The following RANBP2 variants were observed in gnomAD, a reference collection of about 807,000 sequenced individuals.
RANBP2 encodes E3 SUMO-protein ligase RanBP2.
A neutral mutation model predicts 303.6 loss-of-function variants in RANBP2; 57 were observed. The ratio of observed to expected loss-of-function variants is 0.19; its 90% confidence interval spans 0.15 to 0.23. RANBP2 has a LOEUF of 0.23. Among genes scored for constraint, RANBP2 ranks in the 10% least tolerant of loss-of-function variants. The pLI, the probability that RANBP2 is intolerant of heterozygous loss-of-function variation, is 1.00. For missense variants in RANBP2, 3,138 were observed against 3,780.8 expected, an observed-to-expected ratio of 0.83 and a Z score of 4.46; for synonymous variants, 1,167 against 1,301.5, an observed-to-expected ratio of 0.90 and a Z score of 2.23.
chr2:109,460,766 A>G, the RANBP2 span, among the ~76,000 whole-genome samples: 1 of 152,190 alleles, frequency 6.6e-6, no homozygotes, highest in Non-Finnish European at 1.5e-5. Context: ...AACCAGCCAA[A>G]TCATCGGCCA....
At chr2:109,012,760 A>G in the RANBP2 span, among the ~76,000 whole-genome samples, 1 of 152,278 alleles carries the variant, frequency 6.6e-6, no homozygotes, top group East Asian at 1.9e-4. Context: ...TAAAGATACA[A>G]AAAATTAGCC....
the RANBP2 span, chr2:109,347,617 C>A: frequency 6.3e-7 from 1 of 1,581,086 alleles, no homozygotes; most frequent in East Asian, 2.3e-5. Context: ...GGCAGATCCA[C>A]TGTGGGGCAT....
chr2:109,155,077 C>T, the RANBP2 span, among the ~76,000 whole-genome samples: 1 of 152,160 alleles, frequency 6.6e-6, no homozygotes, highest in Non-Finnish European at 1.5e-5. Context: ...TCTGGCCTCC[C>T]TCCGGGCCAG....
chr2:108,816,850 T>G, the RANBP2 span, among the ~76,000 whole-genome samples: 4 of 152,228 alleles, frequency 2.6e-5, no homozygotes, highest in Admixed American at 2.0e-4. Context: ...TACACCACCT[T>G]GCCAGCTAAT....
chr2:109,638,709 A>G, the RANBP2 span, among the ~76,000 whole-genome samples: 13 of 152,196 alleles, frequency 8.5e-5, no homozygotes, highest in African/African-American at 2.9e-4. Flanking sequence ...AGTCTCAGTA[A>G]TAGGGAGCCT....
the RANBP2 span, among the ~76,000 whole-genome samples, chr2:109,323,028 T>G: frequency 1.3e-5 from 2 of 152,208 alleles, no homozygotes; most frequent in Non-Finnish European, 2.9e-5. Context: ...CTTATACCCC[T>G]AGGTGGTCTC....
chr2:109,522,667 A>G, the RANBP2 span, among the ~76,000 whole-genome samples: 1 of 151,458 alleles, frequency 6.6e-6, no homozygotes. Context: ...CGGCCTCCCA[A>G]AGTGTTCAGT....
the RANBP2 span, among the ~76,000 whole-genome samples, chr2:109,185,222 A>G: frequency 6.6e-6 from 1 of 152,230 alleles, no homozygotes; most frequent in Non-Finnish European, 1.5e-5. Flanking sequence ...TATATTTATC[A>G]AGTGGAAGAA....
At chr2:109,129,188 G>A in the RANBP2 span, 2 of 466,634 alleles carry the variant, frequency 4.3e-6, no homozygotes, top group Admixed American at 2.9e-5. Context: ...TCCCAGGCGC[G>A]AGCCGCCGCT....
chr2:109,300,183 G>T, the RANBP2 span, among the ~76,000 whole-genome samples: 6 of 152,038 alleles, frequency 3.9e-5, no homozygotes, highest in Non-Finnish European at 7.4e-5. Context: ...ATATGCTCTC[G>T]AGAGGGCATC....
At chr2:108,726,119 T>C (rs568621884) in intron 1 of RANBP2, among the ~76,000 whole-genome samples, 5 of 152,204 alleles carry the variant, frequency 3.3e-5, no homozygotes, top group African/African-American at 1.2e-4. Flanking sequence ...ATTATATAAA[T>C]AAACATTTCA....
chr2:109,464,935 T>C, the RANBP2 span, among the ~76,000 whole-genome samples: 2 of 152,238 alleles, frequency 1.3e-5, no homozygotes, highest in Non-Finnish European at 2.9e-5. Context: ...ACAGGATAGT[T>C]TGACTGCCCT....
At chr2:109,123,979 GTTTT>G in the RANBP2 span, among the ~76,000 whole-genome samples, 4 of 136,928 alleles carry the variant, frequency 2.9e-5, no homozygotes, top group African/African-American at 1.1e-4. Flanking sequence ...TTTCTTTTCA[GTTTT>G]ATTTATTTAT....
the RANBP2 span, among the ~76,000 whole-genome samples, chr2:108,814,379 T>C: frequency 6.6e-6 from 1 of 152,172 alleles, no homozygotes; most frequent in Admixed American, 6.5e-5. Flanking sequence ...TCTAGTTCTT[T>C]ATAAATTGAG....
At chr2:109,655,308 G>A in the RANBP2 span, among the ~76,000 whole-genome samples, 2 of 152,320 alleles carry the variant, frequency 1.3e-5, no homozygotes, top group African/African-American at 4.8e-5. Context: ...CTGGGAGGAT[G>A]TCAGAACACA....
the RANBP2 span, among the ~76,000 whole-genome samples, chr2:109,563,933 C>CAACATA: frequency 6.6e-6 from 1 of 152,002 alleles, no homozygotes; most frequent in Non-Finnish European, 1.5e-5. Context: ...CCAGCCTGGG[C>CAACATA]AACATAGTAA....
At chr2:109,705,635 C>A in the RANBP2 span, among the ~76,000 whole-genome samples, 3 of 152,168 alleles carry the variant, frequency 2.0e-5, no homozygotes, top group Non-Finnish European at 4.4e-5. Context: ...GGCCTGAGCC[C>A]CAGGGCGTTG....
At chr2:109,557,179 A>AT in the RANBP2 span, among the ~76,000 whole-genome samples, 2 of 152,130 alleles carry the variant, frequency 1.3e-5, no homozygotes, top group African/African-American at 2.4e-5. Context: ...ATAAAAAAAA[A>AT]TTTAAAAAAA....
At chr2:109,574,754 C>T in the RANBP2 span, 3 of 1,579,232 alleles carry the variant, frequency 1.9e-6, no homozygotes, top group Non-Finnish European at 2.6e-6. Flanking sequence ...ATGTAGTCAA[C>T]TATTGGTTGG....
Sources: allele counts gnomAD v4.1 joint callset (sites outside exome capture counted in the v4.1 genomes callset), GRCh38; gene constraint gnomAD v4.1.1; transcripts MANE v1.5; gene names NCBI Gene and HGNC (gene_info 2026-07-23, HGNC 2026-07-21).